CACNA2D3: variants seen among roughly 807,000 people sequenced by gnomAD.
The protein encoded by CACNA2D3 is calcium voltage-gated channel auxiliary subunit alpha2delta 3.
In CACNA2D3, 60 loss-of-function variants were observed where a neutral mutation model predicts 160.6. The observed-to-expected ratio is 0.37, with a 90% CI of 0.30 to 0.46. The LOEUF (loss-of-function observed/expected upper bound fraction) is 0.46. CACNA2D3 is among the 20% of genes least tolerant of loss of function. CACNA2D3 has a pLI of 1.00. For synonymous variants in CACNA2D3, 558 were observed against 492.9 expected (o/e 1.13, Z -1.75); for missense variants, 1,205 against 1,365.0 (o/e 0.88, Z 1.85).
rs61234075 is a variant in CACNA2D3 at position 54,533,794 on chromosome 3, AGTGTGTGTGTGT to A, written c.545-28983_545-28972del. On this transcript the variant is annotated intron_variant, in intron 5 of 37. Transcript: ENST00000474759. ...CTTCTAGTGGTTTGAAATGGAAAAT[AGTGTGTGTGTGT>A]GTGTGTGTGTGTGTGTGTGTGTTAA... Among the ~76,000 whole-genome samples the A allele has an allele frequency of 3.1e-3, 468 of 149,850 alleles. 1 individual carries two copies. Among genetic ancestry groups the A allele is most frequent in the Non-Finnish European group, 4.9e-3 (329 of 67,470 alleles).
At chr3:54,701,646 A>C (rs1301547948) in intron 11 of CACNA2D3, among the ~76,000 whole-genome samples, 1 of 152,216 alleles carries the variant, frequency 6.6e-6, no homozygotes, top group Non-Finnish European at 1.5e-5. Context: ...GGAAGAATCA[A>C]TGTTGTTAAA....
intron 4 of CACNA2D3, among the ~76,000 whole-genome samples, chr3:54,393,587 C>T (rs978406392): frequency 2.0e-5 from 3 of 152,216 alleles, no homozygotes; most frequent in African/African-American, 2.4e-5. Context: ...TATCGTGCTT[C>T]GCCCCTCAGA....
At chr3:54,659,547 C>T (rs905569039) in intron 11 of CACNA2D3, among the ~76,000 whole-genome samples, 4 of 152,188 alleles carry the variant, frequency 2.6e-5, no homozygotes, top group African/African-American at 4.8e-5. Flanking sequence ...AGTCTGCCTA[C>T]GGCTTCCCTG....
chr3:54,199,897 C>T (rs945248157), intron 2 of CACNA2D3, among the ~76,000 whole-genome samples: 3 of 152,146 alleles, frequency 2.0e-5, no homozygotes, highest in African/African-American at 2.4e-5. Context: ...ACTGTGATCT[C>T]AGGGTCAAAT....
At position 55,052,090 on chromosome 3, in the gene CACNA2D3, G is replaced by C. The variant is rs534312564; in HGVS notation, c.2988-21355G>C. ...TGCGTTGCTCACTCTGGGAGCTGTA[G>C]ACTGGAGCTGTTCCTATTCGGCCAT... On this transcript the variant is annotated intron_variant, in intron 35 of 37. Coordinates refer to ENST00000474759, the MANE Select transcript of CACNA2D3 (RefSeq NM_018398.3). Among the ~76,000 whole-genome samples the C allele has an allele frequency of 3.2e-3, 488 of 152,282 alleles. 2 individuals carry two copies. Among genetic ancestry groups the C allele is most frequent in the African/African-American group, 0.011 (470 of 41,554 alleles).
chr3:54,320,588 G>T (rs370285651), intron 3 of CACNA2D3, 30 bp downstream of exon 3: 1 of 1,291,782 alleles, frequency 7.7e-7, no homozygotes, highest in Non-Finnish European at 1.1e-6. Flanking sequence ...GCCCTGTATC[G>T]CCTGAAGGCA....
intron 13 of CACNA2D3, among the ~76,000 whole-genome samples, chr3:54,778,501 C>A (rs779248307): frequency 1.3e-5 from 2 of 152,116 alleles, no homozygotes; most frequent in African/African-American, 2.4e-5. Context: ...TCTCCTCTGA[C>A]CTCCTTGGAT....
chr3:54,281,152 T>A (rs1009073715), intron 2 of CACNA2D3, among the ~76,000 whole-genome samples: 4 of 152,086 alleles, frequency 2.6e-5, no homozygotes, highest in Non-Finnish European at 4.4e-5. Context: ...CATGGGGAAG[T>A]GTGGGAAGCC....
At chr3:54,411,064 A>G (rs1350329263) in intron 4 of CACNA2D3, among the ~76,000 whole-genome samples, 1 of 152,228 alleles carries the variant, frequency 6.6e-6, no homozygotes, top group Non-Finnish European at 1.5e-5. Context: ...GACTAGAATT[A>G]GAAACGGAAC....
At chr3:54,745,961 T>C (rs1207033133) in intron 11 of CACNA2D3, among the ~76,000 whole-genome samples, 1 of 152,228 alleles carries the variant, frequency 6.6e-6, no homozygotes, top group African/African-American at 2.4e-5. Flanking sequence ...TTTATTACTT[T>C]TGTAATTTAA....
intron 11 of CACNA2D3, among the ~76,000 whole-genome samples, chr3:54,736,057 GTATGTATATATATATACATA>G (rs1701506759): frequency 2.3e-5 from 1 of 42,842 alleles, no homozygotes. Context: ...ACATACATAT[GTATGTATATATATATACATA>G]TATATGTATG....
chr3:54,164,959 G>A (rs111653643), intron 2 of CACNA2D3, among the ~76,000 whole-genome samples: 1 of 152,156 alleles, frequency 6.6e-6, no homozygotes, highest in East Asian at 1.9e-4. Flanking sequence ...CCATGCTAGG[G>A]GGATCAGTAA....
At chr3:54,708,316 T>C (rs866013491) in intron 11 of CACNA2D3, among the ~76,000 whole-genome samples, 2 of 152,204 alleles carry the variant, frequency 1.3e-5, no homozygotes, top group African/African-American at 4.8e-5. Context: ...GAAAACTGTT[T>C]TGCCTGCATG....
intron 3 of CACNA2D3, chr3:54,385,758 G>A (rs901717429): frequency 1.0e-4 from 35 of 349,982 alleles, no homozygotes; most frequent in African/African-American, 6.2e-4. Context: ...TTTTTCACAC[G>A]TGGCCTATTA....
chr3:54,940,230 G>A lies in CACNA2D3; in HGVS notation c.2450-28220G>A, dbSNP rs74357932. On this transcript the variant is annotated intron_variant, in intron 27 of 37. Transcript: ENST00000474759. ...TGTGCACAGTTTTAAAAGTAGATGG[G>A]TAGCTCTTGGAAGACTGCAACTATT... is the stretch of plus-strand genomic sequence containing the variant. 1.3e-3 allele frequency among the ~76,000 whole-genome samples: 197 copies of A among 152,318 alleles called. No homozygotes were observed. In the East Asian group the frequency reaches 0.035, roughly 27 times the overall value.
At chr3:54,631,606 A>G (rs1247277250) in intron 10 of CACNA2D3, among the ~76,000 whole-genome samples, 1 of 152,256 alleles carries the variant, frequency 6.6e-6, no homozygotes, top group Non-Finnish European at 1.5e-5. Flanking sequence ...TTCAGAGGTT[A>G]CTATAATTGA....
At chr3:54,898,089 TCTTC>T (rs569564874) in intron 26 of CACNA2D3, among the ~76,000 whole-genome samples, 42 of 121,188 alleles carry the variant, frequency 3.5e-4, no homozygotes, top group South Asian at 2.5e-3. Flanking sequence ...TTGCTTGCTT[TCTTC>T]CTTCCTTCCT....
At chr3:54,143,603 C>T (rs921760833) in intron 2 of CACNA2D3, among the ~76,000 whole-genome samples, 2 of 152,210 alleles carry the variant, frequency 1.3e-5, no homozygotes, top group African/African-American at 4.8e-5. Flanking sequence ...GGGTTCACAC[C>T]ATTCTCCTGC....
At chr3:54,543,294 A>T (rs151019587) in intron 5 of CACNA2D3, among the ~76,000 whole-genome samples, 1 of 152,334 alleles carries the variant, frequency 6.6e-6, no homozygotes, top group East Asian at 1.9e-4. Flanking sequence ...GTACAAACAA[A>T]ATGTCTTTCC....
Sources: gnomAD v4.1 joint callset for allele counts (sites outside exome capture counted in the v4.1 genomes callset) on GRCh38, gnomAD v4.1.1 for gene constraint, MANE v1.5 for transcripts, NCBI Gene and HGNC (gene_info 2026-07-23, HGNC 2026-07-21) for gene names.